AKR1C4: variants seen among roughly 807,000 people sequenced by gnomAD.
AKR1C4 encodes the protein aldo-keto reductase family 1 member C4.
AKR1C4 carries 44 observed loss-of-function variants against 41.0 expected under a neutral mutation model. That is an observed-to-expected ratio of 1.07 (90% CI 0.84 to 1.38). The LOEUF is 1.38. Among genes scored for constraint, AKR1C4 ranks in the 40% most tolerant of loss-of-function variants. The probability of loss-of-function intolerance (pLI) is 0.00; values close to 1 mark genes in which losing one functional copy is unlikely to be tolerated. For synonymous variants in AKR1C4, 165 were observed against 137.7 expected, an observed-to-expected ratio of 1.20 and a Z score of -1.39; for missense variants, 438 against 387.9, an observed-to-expected ratio of 1.13 and a Z score of -1.09.
In AKR1C4 at chr10:5,214,479, T is replaced by G. The variant is rs1428810770; in HGVS notation, c.846+1320T>G. On this transcript the variant is annotated intron_variant, in intron 7 of 8. Coordinates refer to ENST00000263126, the MANE Select transcript of AKR1C4 (RefSeq NM_001818.5). ...CTAATATTTTGTTCTCTGGCTGAAATTGCTGTGAAACTGCAGATCAATTTG... is the reference window on the plus strand; with the variant it reads ...CTAATATTTTGTTCTCTGGCTGAAAGTGCTGTGAAACTGCAGATCAATTTG... Among the ~76,000 whole-genome samples, 9 of 152,338 alleles carry G rather than the reference T, an allele frequency of 5.9e-5. No individual in the cohort carries two copies. The East Asian group carries it at 1.5e-3, about 26-fold the overall frequency.
intron 1 of AKR1C4, among the ~76,000 whole-genome samples, chr10:5,197,469 C>T (rs17134526): frequency 0.018 from 2,790 of 152,234 alleles, 86 homozygotes; most frequent in African/African-American, 0.064. Context: ...GGACTTAATA[C>T]AATGCCCTGC....
chr10:5,199,433 C>G (rs1832361938), intron 1 of AKR1C4, among the ~76,000 whole-genome samples: 1 of 152,116 alleles, frequency 6.6e-6, no homozygotes. Context: ...TGTTTTCCTG[C>G]CCAAAAGTTG....
chr10:5,204,631 T>C (rs1554797273), intron 3 of AKR1C4, 138 bp downstream of exon 3: 6 of 786,190 alleles, frequency 7.6e-6, no homozygotes, highest in East Asian at 2.4e-5. Flanking sequence ...CCTAAGCCAT[T>C]TTCTTGAAGA....
In AKR1C4 at chr10:5,216,775, GAT is replaced by G; in HGVS notation, c.914_915del (p.Tyr305CysfsTer11). 6.2e-7 allele frequency: 1 copy of G among 1,610,064 alleles called. No individual in the cohort carries two copies. Among genetic ancestry groups the G allele is most frequent in the Non-Finnish European group, 8.5e-7 (1 of 1,177,496 alleles). ...CTAGATGGTCTAAACAGAAATTATC[GAT>G]ATGTTGTCATGGATTTGTAAGTAAC... On this transcript the variant is annotated frameshift_variant, in exon 8 of 9. Transcript: ENST00000263126. LOFTEE classifies it low-confidence loss of function (END_TRUNC).
At chr10:5,203,823 C>A (rs1832441253) in intron 2 of AKR1C4, among the ~76,000 whole-genome samples, 1 of 152,146 alleles carries the variant, frequency 6.6e-6, no homozygotes, top group African/African-American at 2.4e-5. Context: ...TTCAGAGAGA[C>A]CTATAATCAA....
At chr10:5,209,033 G>A (rs1262385107) in intron 5 of AKR1C4, among the ~76,000 whole-genome samples, 1 of 152,108 alleles carries the variant, frequency 6.6e-6, no homozygotes, top group African/African-American at 2.4e-5. Context: ...TTATATCATA[G>A]AAGTTAAACA....
At chr10:5,203,737 C>G (rs1163369157) in intron 2 of AKR1C4, among the ~76,000 whole-genome samples, 1 of 152,196 alleles carries the variant, frequency 6.6e-6, no homozygotes, top group African/African-American at 2.4e-5. Flanking sequence ...GTGGGAGAGG[C>G]ATGCTAACAC....
chr10:5,206,202 C>A lies in AKR1C4; in HGVS notation c.448-73C>A, dbSNP rs375161524. ...CATATCTTAACAGTTGTTGCTTTAA[C>A]AGTTCTGTCTTGCATTTATCATAAT... is the stretch of plus-strand genomic sequence containing the variant. On this transcript the variant is annotated intron_variant, in intron 4 of 8. Coordinates refer to ENST00000263126, the MANE Select transcript of AKR1C4 (RefSeq NM_001818.5). 30 of 1,601,166 alleles carry A rather than the reference C, an allele frequency of 1.9e-5. No homozygotes were observed. The African/African-American group carries it at 3.7e-4, about 20-fold the overall frequency.
At chr10:5,199,044 T>A (rs1832357197) in intron 1 of AKR1C4, among the ~76,000 whole-genome samples, 1 of 152,112 alleles carries the variant, frequency 6.6e-6, no homozygotes, top group Admixed American at 6.5e-5. Flanking sequence ...TATTTATAAG[T>A]TGAGTCTTGT....
At chr10:5,210,252 AAG>A (rs1832551653) in intron 5 of AKR1C4, among the ~76,000 whole-genome samples, 1 of 152,204 alleles carries the variant, frequency 6.6e-6, no homozygotes, top group Non-Finnish European at 1.5e-5. Context: ...ATGCTGATGT[AAG>A]AGGTGGTTCC....
At chr10:5,209,345 C>A (rs373416130) in intron 5 of AKR1C4, among the ~76,000 whole-genome samples, 3 of 152,048 alleles carry the variant, frequency 2.0e-5, no homozygotes, top group Non-Finnish European at 2.9e-5. Context: ...TTCCTTGGGG[C>A]TTTAAAGTAA....
At chr10:5,212,819 G>A in intron 6 of AKR1C4, 94 bp downstream of exon 6, 3 of 1,440,888 alleles carry the variant, frequency 2.1e-6, no homozygotes, top group Non-Finnish European at 2.9e-6. Flanking sequence ...ATTCTCAATG[G>A]GTCAGGGTAA....
In AKR1C4 at chr10:5,203,543, G is replaced by A. The variant is rs116560241; in HGVS notation, c.253-834G>A. On this transcript the variant is annotated intron_variant, in intron 2 of 8. Coordinates refer to ENST00000263126, the MANE Select transcript of AKR1C4 (RefSeq NM_001818.5). The stretch of plus-strand genomic sequence containing the variant: ...CCCTGGTGGGGAAGAGTATTCTGGA[G>A]GCAGTTTCTCCCCTTCTCACACTCT... Among the ~76,000 whole-genome samples, 482 of 152,312 alleles carry A rather than the reference G, an allele frequency of 3.2e-3. 4 individuals carry two copies. Among genetic ancestry groups the A allele is most frequent in the African/African-American group, 0.01 (427 of 41,562 alleles).
At chr10:5,216,014 C>T (rs1332281416) in intron 7 of AKR1C4, among the ~76,000 whole-genome samples, 2 of 152,130 alleles carry the variant, frequency 1.3e-5, no homozygotes, top group Non-Finnish European at 2.9e-5. Context: ...ATAAAATATG[C>T]CGAAAGTTGT....
intron 5 of AKR1C4, among the ~76,000 whole-genome samples, chr10:5,208,905 A>G (rs1462776984): frequency 1.0e-5 from 1 of 99,058 alleles, no homozygotes; most frequent in Non-Finnish European, 2.1e-5. Flanking sequence ...ATGAAAACAA[A>G]AACAAAAAAA....
At chr10:5,208,920 A>G (rs1832529686) in intron 5 of AKR1C4, among the ~76,000 whole-genome samples, 1 of 146,948 alleles carries the variant, frequency 6.8e-6, no homozygotes, top group South Asian at 2.1e-4. Flanking sequence ...AAAAAAAAAC[A>G]TCCAATTGTG....
intron 5 of AKR1C4, among the ~76,000 whole-genome samples, chr10:5,210,681 A>T (rs959148418): frequency 6.6e-6 from 1 of 150,736 alleles, no homozygotes; most frequent in Admixed American, 6.6e-5. Flanking sequence ...GCGCTATCTC[A>T]GCTCACTGCA....
intron 1 of AKR1C4, among the ~76,000 whole-genome samples, chr10:5,199,875 T>C (rs1832370030): frequency 1.3e-5 from 2 of 152,182 alleles, no homozygotes; most frequent in Non-Finnish European, 2.9e-5. Flanking sequence ...GTAGAGGGTC[T>C]AATTGAGCTG....
At chr10:5,217,250 C>T (rs1008229746) in intron 8 of AKR1C4, among the ~76,000 whole-genome samples, 6 of 152,206 alleles carry the variant, frequency 3.9e-5, no homozygotes, top group African/African-American at 1.4e-4. Flanking sequence ...TCTTCTCTTC[C>T]ATATGGAATT....
Sources: gnomAD v4.1 joint callset for allele counts (sites outside exome capture counted in the v4.1 genomes callset) on GRCh38, gnomAD v4.1.1 for gene constraint, MANE v1.5 for transcripts, NCBI Gene and HGNC (gene_info 2026-07-23, HGNC 2026-07-21) for gene names.